The following FDFT1 variants were observed in gnomAD, a reference collection of about 807,000 sequenced individuals.
FDFT1 encodes the protein squalene synthase.
A neutral mutation model predicts 46.8 loss-of-function variants in FDFT1; 68 were observed. The ratio of observed to expected loss-of-function variants is 1.45; its 90% CI spans 1.19 to 1.78. The LOEUF is 1.78. Among genes scored for constraint, FDFT1 ranks in the 40% most tolerant of loss-of-function variants. The pLI, the probability that FDFT1 is intolerant of heterozygous loss-of-function variation, is 0.00. For synonymous variants in FDFT1, 351 were observed against 185.1 expected (o/e 1.90, Z -7.28); for missense variants, 928 against 524.4 (o/e 1.77, Z -7.52).
intron 3 of FDFT1, among the ~76,000 whole-genome samples, chr8:11,818,022 A>T (rs75793235): frequency 0.24 from 36,119 of 152,046 alleles, 5,349 homozygotes; most frequent in East Asian, 0.78. Flanking sequence ...CCCTCTACAC[A>T]CTGCTTTAAA....
At chr8:11,836,226 G>T (rs1039477262) in intron 7 of FDFT1, among the ~76,000 whole-genome samples, 1 of 151,956 alleles carries the variant, frequency 6.6e-6, no homozygotes, top group Admixed American at 6.6e-5. Context: ...TCATTGTAGT[G>T]AATGCCTATT....
At chr8:11,803,364 C>G (rs967538361) in intron 1 of FDFT1, 2 of 1,290,256 alleles carry the variant, frequency 1.6e-6, no homozygotes, top group Admixed American at 4.6e-5. Context: ...AGTCTGACTC[C>G]TCCAGTTTCA....
At chr8:11,803,310 T>A (rs1027371191) in intron 1 of FDFT1, 9 of 1,302,470 alleles carry the variant, frequency 6.9e-6, no homozygotes, top group Non-Finnish European at 9.0e-6. Context: ...GTAAGCGGAA[T>A]GAACTATGCA....
intron 1 of FDFT1, among the ~76,000 whole-genome samples, chr8:11,796,489 A>G (rs2130608793): frequency 6.6e-6 from 1 of 152,300 alleles, no homozygotes; most frequent in South Asian, 2.1e-4. Context: ...CAAACAAATA[A>G]GGTTCTTGAT....
At chr8:11,803,083 C>T (rs1585847599) in intron 1 of FDFT1, 152 bp downstream of exon 1, 7 of 1,441,312 alleles carry the variant, frequency 4.9e-6, no homozygotes, top group East Asian at 2.5e-5. Context: ...CGAGCCTTCC[C>T]CCTGTAGGGC....
intron 3 of FDFT1, among the ~76,000 whole-genome samples, chr8:11,816,017 T>G (rs1434140982): frequency 6.6e-6 from 1 of 152,244 alleles, no homozygotes; most frequent in Non-Finnish European, 1.5e-5. Flanking sequence ...TATTTAAGCC[T>G]TCAGTCCATC....
intron 1 of FDFT1, 156 bp downstream of exon 1, chr8:11,803,087 G>C (rs1244611770): frequency 5.1e-5 from 74 of 1,440,950 alleles, no homozygotes; most frequent in Admixed American, 8.1e-5. Flanking sequence ...CCTTCCCCCT[G>C]TAGGGCCCGG....
chr8:11,813,703 G>C (rs1808046340), intron 3 of FDFT1, among the ~76,000 whole-genome samples: 2 of 152,190 alleles, frequency 1.3e-5, no homozygotes, highest in South Asian at 4.1e-4. Context: ...CATTATCCCT[G>C]TGAACTCGCT....
chr8:11,817,565 G>C (rs777388354), intron 3 of FDFT1, among the ~76,000 whole-genome samples: 1 of 152,180 alleles, frequency 6.6e-6, no homozygotes, highest in Admixed American at 6.5e-5. Context: ...TCATTTCAGA[G>C]GTTCAACTTC....
upstream of FDFT1, among the ~76,000 whole-genome samples, chr8:11,799,355 C>T (rs970748487): frequency 1.1e-4 from 16 of 152,220 alleles, no homozygotes; most frequent in Admixed American, 4.6e-4. Context: ...TTTACTATTG[C>T]TTATCTCAAG....
At position 11,831,605 on chromosome 8, in the gene FDFT1, A is replaced by G; in HGVS notation, c.967A>G (p.Thr323Ala). ...GAAGATTCGGAAAGGGCAAGCAGTG[A>G]CCCTGATGATGGATGCCACCAATAT... is the stretch of plus-strand genomic sequence containing the variant. ...AVKIRKGQAV[T>A]LMMDATNMPA... Residue 323 changes from threonine (T) to alanine (A), a missense_variant, in exon 7 of 8, where the codon ACC (threonine) becomes GCC (alanine). Physicochemically the swap from Thr to Ala is moderately conservative, Grantham distance 58. Transcript: ENST00000220584. 6.2e-7 allele frequency: 1 copy of G among 1,614,004 alleles called. No individual in the cohort carries two copies. Among genetic ancestry groups the G allele is most frequent in the Non-Finnish European group, 8.5e-7 (1 of 1,179,840 alleles).
At chr8:11,814,925 T>G (rs144630323) in intron 3 of FDFT1, among the ~76,000 whole-genome samples, 1,835 of 152,248 alleles carry the variant, frequency 0.012, 38 homozygotes, top group African/African-American at 0.042. Context: ...ACGTGCAGGT[T>G]TGTTACATAG....
chr8:11,799,581 A>AG (rs1805896148), upstream of FDFT1, among the ~76,000 whole-genome samples: 1 of 152,204 alleles, frequency 6.6e-6, no homozygotes, highest in Admixed American at 6.5e-5. Context: ...TCCAAAAGGA[A>AG]GGGGGTACAA....
chr8:11,837,242 G>A (rs1019704578), intron 7 of FDFT1, among the ~76,000 whole-genome samples: 23 of 151,228 alleles, frequency 1.5e-4, no homozygotes, highest in African/African-American at 5.4e-4. Context: ...GTTTTTGTTT[G>A]TTTTTTGAGA....
At chr8:11,800,515 A>G (rs954704300), upstream of FDFT1, among the ~76,000 whole-genome samples, 7 of 152,104 alleles carry the variant, frequency 4.6e-5, no homozygotes, top group Non-Finnish European at 5.9e-5. Context: ...TTTTTAAAAG[A>G]GGCAAAGGTA....
At chr8:11,825,243 A>C (rs1809799688) in intron 4 of FDFT1, among the ~76,000 whole-genome samples, 1 of 151,944 alleles carries the variant, frequency 6.6e-6, no homozygotes, top group Non-Finnish European at 1.5e-5. Context: ...TGTATCAAAA[A>C]GTTTATTGTA....
chr8:11,803,491 T>C lies in FDFT1; in HGVS notation c.99+560T>C, dbSNP rs1018586232. ...AAGTTCCAATGAGTTATCTAACGTC[T>C]ATGGATTAGCTAGGTGGTTGGTGGA... On this transcript the variant is annotated intron_variant, in intron 1 of 7. Transcript: ENST00000220584. The C allele has an allele frequency of 7.2e-6, 9 of 1,246,328 alleles. No individual in the cohort carries two copies. In the African/African-American group the frequency reaches 1.1e-4, roughly 15 times the overall value. 77.2% of individuals were successfully genotyped at this position (1,246,328 alleles called of 1,614,324 possible). A position where few individuals can be genotyped will look rare whatever the true frequency, so the allele number is the denominator to read the frequency against.
intron 1 of FDFT1, among the ~76,000 whole-genome samples, chr8:11,806,024 T>G (rs758747723): frequency 2.6e-5 from 4 of 152,132 alleles, no homozygotes; most frequent in South Asian, 2.1e-4. Context: ...AAGTTTGTGG[T>G]TTTTTTCCCC....
chr8:11,830,557 T>A, intron 6 of FDFT1, 137 bp downstream of exon 6: 1 of 652,058 alleles, frequency 1.5e-6, no homozygotes, highest in South Asian at 1.9e-5. Context: ...GCTGGGAGTT[T>A]CATAGCACCC....
Sources: gnomAD v4.1 joint callset for allele counts (sites outside exome capture counted in the v4.1 genomes callset) on GRCh38, gnomAD v4.1.1 for gene constraint, MANE v1.5 for transcripts, NCBI Gene and HGNC (gene_info 2026-07-23, HGNC 2026-07-21) for gene names.